PKHD1L1: variants seen among roughly 807,000 people sequenced by gnomAD.
PKHD1L1 encodes the protein PKHD1 like 1.
A neutral mutation model predicts 462.9 loss-of-function variants in PKHD1L1; 434 were observed. The ratio of observed to expected loss-of-function variants is 0.94; its 90% CI spans 0.87 to 1.02. The LOEUF (loss-of-function observed/expected upper bound fraction) is 1.02. Among genes scored for constraint, PKHD1L1 ranks in the 50% least tolerant of loss-of-function variants. The pLI, the probability that PKHD1L1 is intolerant of heterozygous loss-of-function variation, is 0.00. For missense variants in PKHD1L1, 5,202 were observed against 5,096.1 expected (o/e 1.02, Z -0.63); for synonymous variants, 1,781 against 1,750.0 (o/e 1.02, Z -0.44).
intron 38 of PKHD1L1, among the ~76,000 whole-genome samples, chr8:109,446,501 C>T (rs1172316118): frequency 6.6e-6 from 1 of 152,028 alleles, no homozygotes. Context: ...AAATGTTAAC[C>T]TTTTAGAAAA....
intron 76 of PKHD1L1, among the ~76,000 whole-genome samples, chr8:109,525,508 C>T (rs2131041336): frequency 6.6e-6 from 1 of 152,308 alleles, no homozygotes; most frequent in Non-Finnish European, 1.5e-5. Context: ...ATGTCTGCGG[C>T]TTCAGCTGGG....
intron 50 of PKHD1L1, among the ~76,000 whole-genome samples, chr8:109,472,840 T>C (rs181147907): frequency 5.1e-4 from 77 of 152,218 alleles, no homozygotes; most frequent in Admixed American, 4.4e-3. Context: ...ATTGTATATG[T>C]ATGCTGAGTG....
At chr8:109,435,054 T>G in intron 28 of PKHD1L1, 136 bp from the exon 29 acceptor site, 1 of 817,116 alleles carries the variant, frequency 1.2e-6, no homozygotes. Context: ...CACACATTAA[T>G]ATATGATTGG....
intron 56 of PKHD1L1, 145 bp downstream of exon 56, chr8:109,481,707 C>T: frequency 2.5e-6 from 2 of 791,502 alleles, no homozygotes; most frequent in Non-Finnish European, 3.4e-6. Flanking sequence ...GAAGTTTTTA[C>T]AGAAATTTAT....
At chr8:109,397,183 G>C (rs918230900) in intron 11 of PKHD1L1, among the ~76,000 whole-genome samples, 1 of 152,104 alleles carries the variant, frequency 6.6e-6, no homozygotes. Context: ...TATGAAAAGA[G>C]AACATATTAG....
At chr8:109,367,554 T>C (rs2130310151) in intron 2 of PKHD1L1, among the ~76,000 whole-genome samples, 1 of 152,380 alleles carries the variant, frequency 6.6e-6, no homozygotes, top group East Asian at 1.9e-4. Flanking sequence ...TAGTATTGAC[T>C]TGTAAACATT....
chr8:109,463,851 C>T (rs1028311717), intron 48 of PKHD1L1, among the ~76,000 whole-genome samples: 1 of 152,114 alleles, frequency 6.6e-6, no homozygotes, highest in Admixed American at 6.6e-5. Context: ...ACACATAAAA[C>T]ATTCAAGAAA....
chr8:109,486,820 AG>A lies in PKHD1L1; in HGVS notation c.9880+1del. On this transcript the variant is annotated frameshift_variant and splice_region_variant, in exon 59 of 78. Coordinates refer to ENST00000378402, the MANE Select transcript of PKHD1L1 (RefSeq NM_177531.6). LOFTEE classifies it high-confidence loss of function. ...SFTENMMTFK[G>X]NARISNVEFY... ...TCACTGAAAATATGATGACATTTAAAGGTTGGTATCAATTCAGTTTATTTTT... is the reference window on the plus strand; with the variant it reads ...TCACTGAAAATATGATGACATTTAAAGTTGGTATCAATTCAGTTTATTTTT... 6.2e-7 allele frequency: 1 copy of A among 1,611,172 alleles called. No individual in the cohort carries two copies. Among genetic ancestry groups the A allele is most frequent in the South Asian group, 1.1e-5 (1 of 90,910 alleles).
Position 109,438,251 on chromosome 8 carries a change from C to T in PKHD1L1, c.3628-73C>T, listed in dbSNP as rs1042194688. The T allele has an allele frequency of 8.2e-6, 9 of 1,098,672 alleles. No individual in the cohort carries two copies. The Admixed American group carries it at 2.0e-4, about 24-fold the overall frequency. 68.1% of individuals were successfully genotyped at this position (1,098,672 alleles called of 1,614,324 possible). On this transcript the variant is annotated intron_variant, in intron 30 of 77. Coordinates refer to ENST00000378402, the MANE Select transcript of PKHD1L1 (RefSeq NM_177531.6). ...TCTTCAGAAGTTTATTCTGAATAATCTATTTCTTTTCATCCCTTGCATTTC... is the reference window on the plus strand; with the variant it reads ...TCTTCAGAAGTTTATTCTGAATAATTTATTTCTTTTCATCCCTTGCATTTC...
chr8:109,508,045 T>C, intron 69 of PKHD1L1, 52 bp from the exon 70 acceptor site: 2 of 1,529,568 alleles, frequency 1.3e-6, no homozygotes, highest in Admixed American at 4.2e-5. Flanking sequence ...TAAGGATTTT[T>C]TTGCAAAGAG....
chr8:109,406,624 A>G lies in PKHD1L1; in HGVS notation c.1813+146A>G, dbSNP rs190835086. ...AATGGTTTTTTCTACGGTAATTTAA[A>G]TTTTAGTTGTATTTCAAGGAATGTA... is the stretch of plus-strand genomic sequence containing the variant. On this transcript the variant is annotated intron_variant, in intron 17 of 77. Transcript: ENST00000378402. 1.2e-5 allele frequency: 12 copies of G among 965,972 alleles called. No homozygotes were observed. In the East Asian group the frequency reaches 3.4e-4, roughly 28 times the overall value. 59.8% of individuals were successfully genotyped at this position (965,972 alleles called of 1,614,324 possible).
At chr8:109,370,368 C>T (rs931589988) in intron 2 of PKHD1L1, among the ~76,000 whole-genome samples, 1 of 152,138 alleles carries the variant, frequency 6.6e-6, no homozygotes, top group African/African-American at 2.4e-5. Flanking sequence ...CCTGCCTTGG[C>T]TTCCTAAAGT....
chr8:109,406,679 C>CAT, intron 17 of PKHD1L1, among the ~76,000 whole-genome samples: 1 of 152,254 alleles, frequency 6.6e-6, no homozygotes, highest in South Asian at 2.1e-4. Context: ...ATGCACTATA[C>CAT]ATACTACAAA....
intron 4 of PKHD1L1, among the ~76,000 whole-genome samples, chr8:109,383,126 T>TTATATATAATATATAATTA (rs1812218693): frequency 1.0e-5 from 1 of 96,450 alleles, no homozygotes; most frequent in Non-Finnish European, 1.8e-5. Flanking sequence ...TAATATATAG[T>TTATATATAATATATAATTA]TATATATATT....
intron 28 of PKHD1L1, among the ~76,000 whole-genome samples, chr8:109,433,650 T>C (rs1815234814): frequency 6.6e-6 from 1 of 152,208 alleles, no homozygotes; most frequent in Non-Finnish European, 1.5e-5. Flanking sequence ...TCCATTAATG[T>C]AGAATTTAAA....
Position 109,438,977 on chromosome 8 carries a change from A to G in PKHD1L1, c.3841A>G (p.Thr1281Ala). The change falls in exon 32 of 78, where the codon ACC (threonine) becomes GCC (alanine). Residue 1281 changes from threonine (T) to alanine (A), a missense_variant. Physicochemically the swap from Thr to Ala is moderately conservative, Grantham distance 58. Around this residue, in one of 3 missense-constraint regions of PKHD1L1, gnomAD observed 4,497 missense variants for 4,336.8 expected, o/e 1.04. Transcript: ENST00000378402. The stretch of plus-strand genomic sequence containing the variant: ...CATGGCGGTGTATGTTGGAGGAAAA[A>G]CCTGCCAGATTCTTCACTGGAACTT... ...QNMAVYVGGK[T>A]CQILHWNFTD... The G allele has an allele frequency of 6.2e-7, 1 of 1,613,660 alleles. No homozygotes were observed. Among genetic ancestry groups the G allele is most frequent in the Non-Finnish European group, 8.5e-7 (1 of 1,179,682 alleles).
chr8:109,516,918 T>G (rs1315751036), intron 72 of PKHD1L1, among the ~76,000 whole-genome samples: 1 of 152,096 alleles, frequency 6.6e-6, no homozygotes, highest in Non-Finnish European at 1.5e-5. Context: ...GCACTTCGCT[T>G]CTTATCACAT....
chr8:109,474,821 C>T (rs776254915), intron 50 of PKHD1L1, among the ~76,000 whole-genome samples: 7 of 152,098 alleles, frequency 4.6e-5, no homozygotes, highest in Non-Finnish European at 8.8e-5. Flanking sequence ...GTGTATCTTT[C>T]CCTAAGGAAT....
chr8:109,470,593 G>A lies in PKHD1L1; in HGVS notation c.8605+3824G>A, dbSNP rs536589153. On this transcript the variant is annotated intron_variant, in intron 50 of 77. Coordinates refer to ENST00000378402, the MANE Select transcript of PKHD1L1 (RefSeq NM_177531.6). ...TAGTTCCCAGCATGAGCCTACTGAT[G>A]TTGTTGATAAATTAAATGACTTGAA... is the stretch of plus-strand genomic sequence containing the variant. 5.7e-5 allele frequency: 91 copies of A among 1,583,944 alleles called. No individual in the cohort carries two copies. The South Asian group carries it at 9.8e-4, about 17-fold the overall frequency.
Sources: allele counts gnomAD v4.1 joint callset (sites outside exome capture counted in the v4.1 genomes callset), GRCh38; gene constraint gnomAD v4.1.1; regional missense constraint gnomAD v4.1.1; transcripts MANE v1.5; gene names NCBI Gene and HGNC (gene_info 2026-07-23, HGNC 2026-07-21).